JCAD: variants seen among roughly 807,000 people sequenced by gnomAD.
JCAD encodes junctional cadherin 5 associated.
Under a neutral mutation model 98.0 loss-of-function variants are expected in JCAD, and 40 were observed. That is an observed-to-expected ratio of 0.41 (90% confidence interval 0.32 to 0.53). The LOEUF is 0.53. Among genes scored for constraint, JCAD ranks in the 20% least tolerant of loss-of-function variants. The pLI, the probability that JCAD is intolerant of heterozygous loss-of-function variation, is 0.31. For synonymous variants in JCAD, 691 were observed against 682.3 expected (o/e 1.01, Z -0.20); for missense variants, 1,705 against 1,738.1 (o/e 0.98, Z 0.34).
intron 1 of JCAD, among the ~76,000 whole-genome samples, chr10:30,106,524 G>A (rs1838584890): frequency 6.6e-6 from 1 of 152,144 alleles, no homozygotes; most frequent in Admixed American, 6.5e-5. Context: ...TTGGATGAAC[G>A]TTGTAGTGCT....
chr10:30,013,389 GCTTAA>G lies in JCAD; in HGVS notation c.*4489_*4493del, dbSNP rs1836466187. On this transcript the variant is annotated 3_prime_UTR_variant, in exon 4 of 4. Transcript: ENST00000375377. ...TTAGAAGTCCCCCCGAGATGTTTCT[GCTTAA>G]CTTCTCTGACAGGCCTGACTGTGAG... The G allele has an allele frequency of 6.6e-6, 1 of 152,164 alleles. No homozygotes were observed. The highest frequency in any genetic ancestry group is 6.5e-5 in the Admixed American group (1 of 15,282). The allele number at this position is 152,164 out of a possible 1,614,324, so 9.4% of individuals were successfully genotyped here.
intron 1 of JCAD, among the ~76,000 whole-genome samples, chr10:30,100,190 T>C (rs1338657643): frequency 6.6e-6 from 1 of 152,138 alleles, no homozygotes; most frequent in Non-Finnish European, 1.5e-5. Context: ...GAATTAAAAA[T>C]AAAATTTTAC....
intron 2 of JCAD, among the ~76,000 whole-genome samples, chr10:30,030,397 C>T (rs904144914): frequency 3.3e-5 from 5 of 152,088 alleles, no homozygotes; most frequent in East Asian, 3.9e-4. Context: ...GCTGTGATTG[C>T]GCCACTGCAC....
intron 1 of JCAD, among the ~76,000 whole-genome samples, chr10:30,075,238 C>T (rs117175239): frequency 1.3e-5 from 2 of 152,216 alleles, no homozygotes; most frequent in Non-Finnish European, 2.9e-5. Flanking sequence ...GTCCTACTCT[C>T]TGAAGGGAAT....
chr10:30,026,213 TG>T lies in JCAD; in HGVS notation c.3934del (p.Gln1312ArgfsTer66), dbSNP rs1564440884. ...LVSPGSGDRA[Q>X]RLGHSLSVSK... ...CACAGAGAGTGAGTGGCCCAATCTC[TG>T]GGCACGGTCCCCACTGCCAGGAGAC... is the stretch of plus-strand genomic sequence containing the variant. On this transcript the variant is annotated frameshift_variant, in exon 3 of 4. Transcript: ENST00000375377. LOFTEE classifies it high-confidence loss of function. The T allele has an allele frequency of 6.2e-7, 1 of 1,614,130 alleles. No homozygotes were observed. Among genetic ancestry groups the T allele is most frequent in the Non-Finnish European group, 8.5e-7 (1 of 1,180,048 alleles).
chr10:30,087,076 T>C (rs1403611909), intron 1 of JCAD, among the ~76,000 whole-genome samples: 1 of 152,132 alleles, frequency 6.6e-6, no homozygotes, highest in African/African-American at 2.4e-5. Flanking sequence ...AGATAGAGTC[T>C]TGCTCCAGAC....
chr10:30,111,651 C>T (rs369526402), intron 1 of JCAD, among the ~76,000 whole-genome samples: 1 of 151,900 alleles, frequency 6.6e-6, no homozygotes, highest in Non-Finnish European at 1.5e-5. Context: ...AAAAATAAAG[C>T]CAGATAAAGG....
intron 1 of JCAD, among the ~76,000 whole-genome samples, chr10:30,111,515 C>T (rs767492208): frequency 1.8e-4 from 28 of 152,258 alleles, no homozygotes; most frequent in Middle Eastern, 3.4e-3. Context: ...CAATAGTAGA[C>T]AGAATCTCTG....
At chr10:30,086,611 A>T (rs1838170787) in intron 1 of JCAD, among the ~76,000 whole-genome samples, 1 of 152,208 alleles carries the variant, frequency 6.6e-6, no homozygotes, top group African/African-American at 2.4e-5. Flanking sequence ...TAATGAAAAA[A>T]GTTGTTCAAT....
chr10:30,079,132 C>T (rs757065185), intron 1 of JCAD, among the ~76,000 whole-genome samples: 1 of 152,104 alleles, frequency 6.6e-6, no homozygotes, highest in African/African-American at 2.4e-5. Flanking sequence ...GAGGCCGAGG[C>T]GGGCAGATCA....
At chr10:30,071,783 T>C (rs961131189) in intron 1 of JCAD, among the ~76,000 whole-genome samples, 10 of 152,030 alleles carry the variant, frequency 6.6e-5, no homozygotes, top group Non-Finnish European at 1.5e-4. Flanking sequence ...GTCTCAAAAC[T>C]AAATAAATAA....
Position 30,027,171 on chromosome 10 carries a change from G to T in JCAD, c.2977C>A (p.Pro993Thr). 1 of 1,614,134 alleles carries T rather than the reference G, an allele frequency of 6.2e-7. No homozygotes were observed. Reference protein sequence around the residue: ...SDAKPLPASYPAEPREPQESP... With the variant: ...SDAKPLPASYTAEPREPQESP... ...TCCTGGGGCTCCCTAGGTTCAGCTG[G>T]ATAGGACGCGGGCAGTGGTTTTGCG... Residue 993 changes from proline to threonine, a missense_variant, in exon 3 of 4, where the codon CCA becomes ACA. By Grantham distance (38) the Pro-to-Thr change is conservative. Coordinates refer to ENST00000375377, the MANE Select transcript of JCAD (RefSeq NM_020848.4).
chr10:30,101,390 C>T (rs1838468722), intron 1 of JCAD, among the ~76,000 whole-genome samples: 1 of 152,160 alleles, frequency 6.6e-6, no homozygotes, highest in Non-Finnish European at 1.5e-5. Context: ...GCCTGGGTGA[C>T]AGAGCGAGAC....
chr10:30,107,406 C>T (rs1023940943), intron 1 of JCAD, among the ~76,000 whole-genome samples: 1 of 152,178 alleles, frequency 6.6e-6, no homozygotes, highest in Non-Finnish European at 1.5e-5. Context: ...GAAGACACTC[C>T]CACCAGTGCC....
chr10:30,044,753 AT>A (rs1369856872), intron 2 of JCAD: 1 of 956,754 alleles, frequency 1.0e-6, no homozygotes, highest in Non-Finnish European at 1.2e-6. Flanking sequence ...TTTGTTTCTG[AT>A]GGGGAAAAAC....
At chr10:30,052,684 C>G (rs4749525) in intron 1 of JCAD, among the ~76,000 whole-genome samples, 2 of 152,030 alleles carry the variant, frequency 1.3e-5, no homozygotes, top group African/African-American at 2.4e-5. Context: ...CATCAGGGCA[C>G]TTGTTTTACA....
intron 1 of JCAD, among the ~76,000 whole-genome samples, chr10:30,091,135 A>G (rs1236835086): frequency 6.6e-6 from 1 of 152,246 alleles, no homozygotes; most frequent in African/African-American, 2.4e-5. Context: ...ATGATTTCTG[A>G]CAGTTGTTTG....
intron 1 of JCAD, among the ~76,000 whole-genome samples, chr10:30,104,225 C>G (rs1168344463): frequency 6.6e-6 from 1 of 152,126 alleles, no homozygotes; most frequent in East Asian, 1.9e-4. Context: ...TCACAAGGGG[C>G]TTTACATGCT....
chr10:30,024,806 C>T (rs1240849136), intron 3 of JCAD, among the ~76,000 whole-genome samples: 1 of 151,336 alleles, frequency 6.6e-6, no homozygotes. Context: ...CGCCATTCTC[C>T]TGCCTCAGCC....
Sources: gnomAD v4.1 joint callset for allele counts (sites outside exome capture counted in the v4.1 genomes callset) on GRCh38, gnomAD v4.1.1 for gene constraint, MANE v1.5 for transcripts, NCBI Gene and HGNC (gene_info 2026-07-23, HGNC 2026-07-21) for gene names.